VMP1: variants seen among roughly 807,000 people sequenced by gnomAD.
VMP1 encodes vacuole membrane protein 1.
In VMP1, 11 loss-of-function variants were observed where a neutral mutation model predicts 56.0. The observed-to-expected ratio is 0.20, with a 90% CI of 0.12 to 0.32. The LOEUF is 0.32. VMP1 is among the 10% of genes least tolerant of loss of function. VMP1 has a pLI of 1.00. For missense variants in VMP1, 296 were observed against 490.3 expected (o/e 0.60, Z 3.74); for synonymous variants, 149 against 165.0 (o/e 0.90, Z 0.74).
At chr17:59,737,386 T>C in intron 3 of VMP1, 67 bp from the exon 4 acceptor site, 1 of 1,499,100 alleles carries the variant, frequency 6.7e-7, no homozygotes, top group Middle Eastern at 1.8e-4. Flanking sequence ...AGCAAGAAAT[T>C]GTTCTGAGAA....
In VMP1 at chr17:59,773,747, C is replaced by T; in HGVS notation, c.583-7C>T. ...CCTCATTGTAAGTATTTTGGTTTTT[C>T]ACCTAGGGTATCGGTACAGCAATCG... On this transcript the variant is annotated splice_region_variant and splice_polypyrimidine_tract_variant and intron_variant, in intron 6 of 11. Transcript: ENST00000262291. 4 of 1,591,894 alleles carry T rather than the reference C, an allele frequency of 2.5e-6. No individual in the cohort carries two copies. The highest frequency in any genetic ancestry group is 3.4e-6 in the Non-Finnish European group (4 of 1,171,148).
intron 10 of VMP1, among the ~76,000 whole-genome samples, chr17:59,825,406 T>G (rs1303167993): frequency 6.6e-6 from 1 of 152,112 alleles, no homozygotes; most frequent in Non-Finnish European, 1.5e-5. Context: ...TAATACTAAT[T>G]TTTATTTAAT....
chr17:59,768,345 G>A (rs907602659), intron 6 of VMP1, among the ~76,000 whole-genome samples: 1 of 152,048 alleles, frequency 6.6e-6, no homozygotes, highest in Non-Finnish European at 1.5e-5. Flanking sequence ...GCTCACACCT[G>A]TAATCCCAGC....
At chr17:59,790,328 A>C (rs1299644370) in intron 7 of VMP1, among the ~76,000 whole-genome samples, 1 of 152,170 alleles carries the variant, frequency 6.6e-6, no homozygotes, top group Non-Finnish European at 1.5e-5. Flanking sequence ...AAAAGTAGGG[A>C]TATATTTTAG....
intron 5 of VMP1, among the ~76,000 whole-genome samples, chr17:59,759,953 ACTT>A: frequency 1.7e-5 from 1 of 58,818 alleles, no homozygotes; most frequent in African/African-American, 5.4e-5. Flanking sequence ...TGTTTGTTCT[ACTT>A]CTTTTAAAAT....
intron 1 of VMP1, among the ~76,000 whole-genome samples, chr17:59,725,787 CAGAGAGAATTTTGG>C: frequency 6.6e-6 from 1 of 152,088 alleles, no homozygotes; most frequent in Non-Finnish European, 1.5e-5. Context: ...TTATGTTTTC[CAGAGAGAATTTTGG>C]AGAAGGAAAT....
rs568370159 is a variant in VMP1, at chr17:59,827,831, G to A, written c.974+10058G>A. ...CTACTGTGGCCCCAGCTACTCGGAA[G>A]GTTGAGGCAGGAAGATTGCTTGAGC... On this transcript the variant is annotated intron_variant, in intron 10 of 11. Transcript: ENST00000262291. Among the ~76,000 whole-genome samples, 16 of 152,196 alleles carry A rather than the reference G, an allele frequency of 1.1e-4. No individual in the cohort carries two copies. The South Asian group carries it at 2.9e-3, about 28-fold the overall frequency.
intron 5 of VMP1, among the ~76,000 whole-genome samples, chr17:59,740,056 G>A (rs1265192523): frequency 8.1e-5 from 12 of 147,998 alleles, no homozygotes; most frequent in African/African-American, 2.2e-4. Context: ...CAACCTGGGC[G>A]ACAGAGCAAG....
chr17:59,814,587 A>G (rs1271944955), intron 9 of VMP1, among the ~76,000 whole-genome samples: 1 of 152,190 alleles, frequency 6.6e-6, no homozygotes, highest in Non-Finnish European at 1.5e-5. Flanking sequence ...AATTTGCAGT[A>G]GTTATCTCAT....
intron 5 of VMP1, among the ~76,000 whole-genome samples, chr17:59,750,025 C>A (rs1020761167): frequency 6.6e-6 from 1 of 152,234 alleles, no homozygotes; most frequent in South Asian, 2.1e-4. Flanking sequence ...AAAATAGAAT[C>A]TTTGCAAAGC....
At chr17:59,826,796 T>TC (rs1200045882) in intron 10 of VMP1, among the ~76,000 whole-genome samples, 1 of 152,126 alleles carries the variant, frequency 6.6e-6, no homozygotes, top group Non-Finnish European at 1.5e-5. Flanking sequence ...GAGTGAAGAC[T>TC]CCAAGATGTT....
chr17:59,808,742 T>C, intron 7 of VMP1, 54 bp from the exon 8 acceptor site: 3 of 1,411,496 alleles, frequency 2.1e-6, no homozygotes, highest in Non-Finnish European at 3.0e-6. Context: ...GAAAGAACCA[T>C]CTTTCCTTCT....
At chr17:59,777,857 A>T (rs937696081) in intron 7 of VMP1, among the ~76,000 whole-genome samples, 3 of 150,846 alleles carry the variant, frequency 2.0e-5, no homozygotes, top group African/African-American at 7.3e-5. Flanking sequence ...ACAAAACAAA[A>T]AAACAAATAA....
intron 7 of VMP1, among the ~76,000 whole-genome samples, chr17:59,777,669 C>G (rs2036669203): frequency 6.6e-6 from 1 of 151,974 alleles, no homozygotes; most frequent in African/African-American, 2.4e-5. Flanking sequence ...AACAAATTAG[C>G]TGGGTGTGGT....
At chr17:59,769,182 T>G (rs2036341680) in intron 6 of VMP1, among the ~76,000 whole-genome samples, 2 of 150,434 alleles carry the variant, frequency 1.3e-5, no homozygotes, top group Admixed American at 6.6e-5. Context: ...AAAGACAGAG[T>G]TTCGCTCTTG....
intron 5 of VMP1, among the ~76,000 whole-genome samples, chr17:59,740,998 G>C (rs1160458121): frequency 6.6e-6 from 1 of 152,160 alleles, no homozygotes; most frequent in Non-Finnish European, 1.5e-5. Flanking sequence ...AGGAGTTCAA[G>C]TCCAGCCTGG....
chr17:59,783,368 G>A (rs1343040431), intron 7 of VMP1, among the ~76,000 whole-genome samples: 1 of 152,122 alleles, frequency 6.6e-6, no homozygotes, highest in Non-Finnish European at 1.5e-5. Context: ...TGAGTACAAT[G>A]TTGAGATTAG....
At chr17:59,780,845 C>G (rs1050687557) in intron 7 of VMP1, among the ~76,000 whole-genome samples, 2 of 152,142 alleles carry the variant, frequency 1.3e-5, no homozygotes, top group African/African-American at 4.8e-5. Context: ...GCCTGGGCCT[C>G]CCAGAGTGCT....
chr17:59,808,647 T>A, intron 7 of VMP1, 149 bp from the exon 8 acceptor site: 1 of 614,052 alleles, frequency 1.6e-6, no homozygotes, highest in Non-Finnish European at 2.8e-6. Flanking sequence ...TTACTTGTGT[T>A]TCAGTGAACA....
Sources: gnomAD v4.1 joint callset for allele counts (sites outside exome capture counted in the v4.1 genomes callset) on GRCh38, gnomAD v4.1.1 for gene constraint, MANE v1.5 for transcripts, NCBI Gene and HGNC (gene_info 2026-07-23, HGNC 2026-07-21) for gene names.